GATB: variants seen among roughly 807,000 people sequenced by gnomAD.
GATB encodes glutamyl-tRNA(Gln) amidotransferase subunit B, mitochondrial.
In GATB, 39 loss-of-function variants were observed where a neutral mutation model predicts 62.3. That is an observed-to-expected ratio of 0.63 (90% confidence interval 0.48 to 0.82). The LOEUF is 0.82. Among genes scored for constraint, GATB ranks in the 40% least tolerant of loss-of-function variants. The pLI is 0.00. For synonymous variants in GATB, 276 were observed against 258.9 expected (o/e 1.07, Z -0.63); for missense variants, 670 against 684.0 (o/e 0.98, Z 0.23).
At chr4:151,674,302 T>C (rs982607848) in intron 11 of GATB, 1 of 152,244 alleles carries the variant, frequency 6.6e-6, no homozygotes, top group Admixed American at 6.5e-5. Flanking sequence ...ACTCTCAACA[T>C]GCTTATCAGT....
intron 2 of GATB, chr4:151,722,417 C>T: frequency 3.5e-6 from 2 of 566,130 alleles, no homozygotes; most frequent in East Asian, 3.0e-5. Flanking sequence ...ACCTGAAGTC[C>T]CTCAATGGCC....
chr4:151,673,866 C>T (rs956869567), intron 11 of GATB: 33 of 152,100 alleles, frequency 2.2e-4, no homozygotes, highest in African/African-American at 6.5e-4. Flanking sequence ...CCTTGGTGGC[C>T]GAGAACGGGC....
chr4:151,693,949 T>C (rs1031219691), intron 9 of GATB, among the ~76,000 whole-genome samples: 1 of 152,138 alleles, frequency 6.6e-6, no homozygotes, highest in Non-Finnish European at 1.5e-5. Context: ...ATCCAAATAA[T>C]TCAGGTACTA....
At chr4:151,677,488 T>C (rs1293324815) in intron 11 of GATB, 2 of 152,254 alleles carry the variant, frequency 1.3e-5, no homozygotes, top group African/African-American at 4.8e-5. Flanking sequence ...TTCCTCATTA[T>C]ATGAATGAAA....
intron 5 of GATB, among the ~76,000 whole-genome samples, chr4:151,708,674 C>T (rs780216692): frequency 6.6e-6 from 1 of 152,216 alleles, no homozygotes; most frequent in Non-Finnish European, 1.5e-5. Flanking sequence ...GTAATAATCT[C>T]TTCCTTCCAC....
In GATB at chr4:151,701,444, T is replaced by A; in HGVS notation, c.1082A>T (p.Gln361Leu). 4 of 1,603,810 alleles carry A rather than the reference T, an allele frequency of 2.5e-6. No homozygotes were observed. Among genetic ancestry groups the A allele is most frequent in the South Asian group, 1.1e-5 (1 of 89,136 alleles). Residue 361 changes from glutamine (Q) to leucine (L), a missense_variant, in exon 9 of 13, where the codon CAG becomes CTG. Gln to Leu is a moderately radical substitution (Grantham distance 113). Coordinates refer to ENST00000263985, the MANE Select transcript of GATB (RefSeq NM_004564.3). ...ATSLPAGADP[Q>L]QVINIDQIRE... ...AATCTGGTCAATATTGATCACTTGC[T>A]GTGGGTCTGCACCTGCGGGCAGAGA... is the stretch of plus-strand genomic sequence containing the variant.
chr4:151,693,509 C>A (rs951624269), intron 9 of GATB, among the ~76,000 whole-genome samples: 57 of 152,198 alleles, frequency 3.7e-4, no homozygotes, highest in Admixed American at 5.9e-4. Context: ...ACGACCCCCC[C>A]CTCAAGAGTG....
chr4:151,701,287 T>A, intron 9 of GATB, 42 bp downstream of exon 9: 1 of 1,462,658 alleles, frequency 6.8e-7, no homozygotes, highest in Non-Finnish European at 9.1e-7. Context: ...CACTGCCCCA[T>A]CTGCTGAGCC....
intron 2 of GATB, among the ~76,000 whole-genome samples, chr4:151,733,246 A>G (rs1739304034): frequency 6.6e-6 from 1 of 152,220 alleles, no homozygotes; most frequent in South Asian, 2.1e-4. Context: ...AAAAGAAGAG[A>G]GAAAATCCAA....
intron 11 of GATB, chr4:151,674,314 G>T (rs1737950228): frequency 6.6e-6 from 1 of 152,256 alleles, no homozygotes; most frequent in African/African-American, 2.4e-5. Context: ...CTTATCAGTG[G>T]AGTGCTGCCA....
intron 3 of GATB, 69 bp downstream of exon 3, chr4:151,719,356 C>A (rs1197324892): frequency 2.7e-6 from 3 of 1,120,258 alleles, no homozygotes; most frequent in South Asian, 2.6e-5. Context: ...TCCCTTGCTC[C>A]GACCCCCCAC....
chr4:151,701,626 T>C (rs1016768647), intron 8 of GATB, 108 bp from the exon 9 acceptor site: 4 of 787,912 alleles, frequency 5.1e-6, no homozygotes, highest in Non-Finnish European at 7.2e-6. Flanking sequence ...GCCATGTTAC[T>C]TGCAAATATT....
At chr4:151,753,600 AT>A (rs1739763796) in intron 2 of GATB, among the ~76,000 whole-genome samples, 1 of 151,690 alleles carries the variant, frequency 6.6e-6, no homozygotes, top group African/African-American at 2.4e-5. Context: ...TGTTCAGTTG[AT>A]CATATTAATC....
Position 151,682,863 on chromosome 4 carries a change from G to A in GATB, c.1332-2972C>T, listed in dbSNP as rs569268733. Among the ~76,000 whole-genome samples, 28 of 152,212 alleles carry A rather than the reference G, an allele frequency of 1.8e-4. 2 individuals are homozygous for A. The South Asian group carries it at 5.4e-3, about 29-fold the overall frequency. On this transcript the variant is annotated intron_variant, in intron 10 of 12. Coordinates refer to ENST00000263985, the MANE Select transcript of GATB (RefSeq NM_004564.3). ...ATTCTGTGTTCATCTCACGGATTTC[G>A]CAGTGCCCCTAGCTGGCGTCCCACC...
chr4:151,685,396 T>A (rs1381670767), intron 10 of GATB, among the ~76,000 whole-genome samples: 1 of 152,128 alleles, frequency 6.6e-6, no homozygotes, highest in African/African-American at 2.4e-5. Flanking sequence ...CACTGCAGAG[T>A]GGGGCTCTGC....
At chr4:151,722,365 T>C (rs1385128011) in intron 2 of GATB, 7 of 598,498 alleles carry the variant, frequency 1.2e-5, no homozygotes, top group African/African-American at 1.1e-4. Context: ...TCTTTCATAC[T>C]AGGGTGATCC....
chr4:151,745,468 C>G (rs116212741), intron 2 of GATB, among the ~76,000 whole-genome samples: 144 of 152,336 alleles, frequency 9.5e-4, no homozygotes, highest in Non-Finnish European at 1.4e-3. Flanking sequence ...ATTTACCTAG[C>G]TTGAACGAAA....
At chr4:151,726,987 GCTCAAGGCAGCC>G in intron 2 of GATB, among the ~76,000 whole-genome samples, 1 of 152,154 alleles carries the variant, frequency 6.6e-6, no homozygotes, top group African/African-American at 2.4e-5. Flanking sequence ...CCCGATCACA[GCTCAAGGCAGCC>G]TAGATCTTCC....
intron 2 of GATB, among the ~76,000 whole-genome samples, chr4:151,729,278 T>A (rs1739196787): frequency 6.6e-6 from 1 of 151,366 alleles, no homozygotes; most frequent in African/African-American, 2.4e-5. Flanking sequence ...ACTGTCAATG[T>A]CATGAAGAAA....
Sources: allele counts gnomAD v4.1 joint callset (sites outside exome capture counted in the v4.1 genomes callset), GRCh38; gene constraint gnomAD v4.1.1; transcripts MANE v1.5; gene names NCBI Gene and HGNC (gene_info 2026-07-23, HGNC 2026-07-21).